The following BBS5 variants were observed in gnomAD, a reference collection of about 807,000 sequenced individuals.
BBS5 encodes the protein Bardet-Biedl syndrome 5.
BBS5 carries 39 observed loss-of-function variants against 50.2 expected under a neutral mutation model. The ratio of observed to expected loss-of-function variants is 0.78; its 90% CI spans 0.60 to 1.01. BBS5 has a LOEUF of 1.01. Among genes scored for constraint, BBS5 ranks in the 50% least tolerant of loss-of-function variants. The pLI is 0.00. For missense variants in BBS5, 356 were observed against 401.5 expected (o/e 0.89, Z 0.97); for synonymous variants, 134 against 133.1 (o/e 1.01, Z -0.05).
In BBS5 at chr2:169,504,506, CAGA is replaced by C. The variant is rs786205637; in HGVS notation, c.955_957del (p.Glu319del). ...CAACAAGATCGTGAACCTGTATTTT[CAGA>C]AGAACTGGGGCTTGCAATAGAGAAA... is the stretch of plus-strand genomic sequence containing the variant. On this transcript the variant is annotated inframe_deletion, in exon 12 of 12. Transcript: ENST00000295240. 1.2e-6 allele frequency: 2 copies of C among 1,613,944 alleles called. No individual in the cohort carries two copies. Among genetic ancestry groups the C allele is most frequent in the Non-Finnish European group, 1.7e-6 (2 of 1,179,934 alleles).
intron 7 of BBS5, among the ~76,000 whole-genome samples, chr2:169,494,453 A>G (rs2105298580): frequency 6.6e-6 from 1 of 152,178 alleles, no homozygotes; most frequent in East Asian, 1.9e-4. Context: ...ATGGTGGCTT[A>G]TTCCTGTAAT....
intron 9 of BBS5, 82 bp from the exon 10 acceptor site, chr2:169,503,013 A>G (rs1314071713): frequency 3.0e-6 from 3 of 1,008,420 alleles, no homozygotes; most frequent in Admixed American, 1.9e-5. Context: ...GTAGTTTGTA[A>G]TTGTTATTTT....
At chr2:169,488,166 T>G in intron 5 of BBS5, 52 bp downstream of exon 5, 1 of 1,580,166 alleles carries the variant, frequency 6.3e-7, no homozygotes, top group African/African-American at 1.3e-5. Context: ...CTCTATGGTT[T>G]TAGACTGCAA....
At chr2:169,487,438 T>C (rs891491512) in intron 3 of BBS5, among the ~76,000 whole-genome samples, 5 of 152,102 alleles carry the variant, frequency 3.3e-5, no homozygotes, top group Non-Finnish European at 7.4e-5. Context: ...AATAAAAGTA[T>C]AATCTTTTCA....
intron 9 of BBS5, 129 bp downstream of exon 9, chr2:169,499,749 C>A: frequency 1.0e-6 from 1 of 963,368 alleles, no homozygotes; most frequent in Non-Finnish European, 1.6e-6. Context: ...AGATTCTGCT[C>A]AAGTGGGCAT....
chr2:169,492,443 T>C (rs1683616124), intron 5 of BBS5, among the ~76,000 whole-genome samples: 2 of 150,900 alleles, frequency 1.3e-5, no homozygotes, highest in Admixed American at 1.3e-4. Flanking sequence ...TGAGCCAAGA[T>C]TGCACCACTG....
intron 6 of BBS5, chr2:169,493,231 TA>T: frequency 1.7e-6 from 1 of 574,252 alleles, no homozygotes; most frequent in Non-Finnish European, 3.0e-6. Flanking sequence ...AATTAATGAA[TA>T]AAAAATTTGC....
chr2:169,499,333 C>G (rs1025863596), intron 8 of BBS5, 153 bp from the exon 9 acceptor site: 7 of 799,964 alleles, frequency 8.8e-6, no homozygotes, highest in Non-Finnish European at 1.2e-5. Context: ...TTTGTATGTG[C>G]TTGAAATTTT....
At chr2:169,501,980 G>C (rs963039251) in intron 9 of BBS5, among the ~76,000 whole-genome samples, 8 of 151,926 alleles carry the variant, frequency 5.3e-5, no homozygotes, top group Non-Finnish European at 1.0e-4. Context: ...ATCTCTTCAG[G>C]ATCTTCCCTG....
chr2:169,482,170 CAT>C (rs1683408244), intron 1 of BBS5, 79 bp from the exon 2 acceptor site: 2 of 871,460 alleles, frequency 2.3e-6, no homozygotes, highest in Admixed American at 3.4e-5. Flanking sequence ...GTTTTATGTA[CAT>C]ATGTCTCTTT....
At chr2:169,503,260 C>A in intron 10 of BBS5, 82 bp downstream of exon 10, 1 of 1,098,166 alleles carries the variant, frequency 9.1e-7, no homozygotes, top group Non-Finnish European at 1.4e-6. Flanking sequence ...GTGTGTGAAA[C>A]ACCATATAAC....
At chr2:169,493,297 A>G (rs760439160) in intron 6 of BBS5, among the ~76,000 whole-genome samples, 21 of 152,174 alleles carry the variant, frequency 1.4e-4, no homozygotes, top group African/African-American at 3.6e-4. Flanking sequence ...CTCCGCTCCT[A>G]TCCTTATAAA....
chr2:169,487,194 T>G, intron 3 of BBS5, 60 bp downstream of exon 3: 2 of 1,109,910 alleles, frequency 1.8e-6, no homozygotes, highest in Non-Finnish European at 2.8e-6. Flanking sequence ...TGAATTTGCA[T>G]GGTGCCTTTG....
intron 9 of BBS5, 72 bp from the exon 10 acceptor site, chr2:169,503,023 T>C (rs1683837063): frequency 1.9e-6 from 2 of 1,080,924 alleles, no homozygotes; most frequent in Admixed American, 3.7e-5. Context: ...ATTGTTATTT[T>C]AACAGTATTT....
In BBS5 at chr2:169,493,778, T is replaced by G. The variant is rs1683644453; in HGVS notation, c.560T>G (p.Ile187Ser). Reference protein sequence around the residue: ...LGTFFITNVRIVWHANMNDSF... With the variant: ...LGTFFITNVRSVWHANMNDSF... ...ACCTTTTTTATTACCAATGTGAGAA[T>G]TGTGTGGCATGCAAATATGAATGAT... The change falls in exon 7 of 12, where the codon ATT (isoleucine) becomes AGT (serine). Residue 187 changes from isoleucine (I) to serine (S), a missense_variant. Physicochemically the swap from Ile to Ser is moderately radical, Grantham distance 142. Coordinates refer to ENST00000295240, the MANE Select transcript of BBS5 (RefSeq NM_152384.3). The G allele has an allele frequency of 6.2e-7, 1 of 1,613,032 alleles. No homozygotes were observed. The highest frequency in any genetic ancestry group is 1.3e-5 in the African/African-American group (1 of 75,020).
At position 169,505,113 on chromosome 2, in the gene BBS5, C is replaced by A. The variant is rs534878969; in HGVS notation, c.*531C>A. ...GCGATTACAGGCGCGCGCCGCCACA[C>A]CTGACTGGTTTTCGTATTTTTTTGG... On this transcript the variant is annotated 3_prime_UTR_variant, in exon 12 of 12. Coordinates refer to ENST00000295240, the MANE Select transcript of BBS5 (RefSeq NM_152384.3). 1 of 905,422 alleles carries A rather than the reference C, an allele frequency of 1.1e-6. No individual in the cohort carries two copies. Among genetic ancestry groups the A allele is most frequent in the East Asian group, 2.6e-5 (1 of 38,348 alleles). The allele number at this position is 905,422 out of a possible 1,614,324, so 56.1% of individuals were successfully genotyped here. A position where few individuals can be genotyped will look rare whatever the true frequency, so the allele number is the denominator to read the frequency against.
intron 9 of BBS5, among the ~76,000 whole-genome samples, chr2:169,501,547 G>A (rs1384456366): frequency 2.0e-5 from 3 of 152,040 alleles, no homozygotes; most frequent in Non-Finnish European, 4.4e-5. Context: ...AACATAATAA[G>A]ACAACATAGT....
intron 10 of BBS5, among the ~76,000 whole-genome samples, chr2:169,503,498 T>TA (rs1375919033): frequency 6.6e-6 from 1 of 151,558 alleles, no homozygotes; most frequent in Non-Finnish European, 1.5e-5. Context: ...TCCATTTCTA[T>TA]AAAAAAAGAA....
chr2:169,482,740 G>A (rs1683419527), intron 2 of BBS5: 1 of 235,468 alleles, frequency 4.2e-6, no homozygotes, highest in Non-Finnish European at 8.3e-6. Context: ...ACCTATGGTT[G>A]TCACCTAGAC....
Sources: gnomAD v4.1 joint callset for allele counts (sites outside exome capture counted in the v4.1 genomes callset) on GRCh38, gnomAD v4.1.1 for gene constraint, MANE v1.5 for transcripts, NCBI Gene and HGNC (gene_info 2026-07-23, HGNC 2026-07-21) for gene names.